Variants in SLC9A2 observed in about 807,000 individuals in gnomAD.
SLC9A2 encodes the protein solute carrier family 9 member A2, also known as sodium/hydrogen exchanger 2.
A neutral mutation model predicts 71.7 loss-of-function variants in SLC9A2; 42 were observed. The observed-to-expected ratio is 0.59, with a 90% confidence interval of 0.46 to 0.76. The LOEUF (loss-of-function observed/expected upper bound fraction) is 0.76, where lower values mean the gene tolerates loss of function less well. SLC9A2 is among the 30% of genes least tolerant of loss of function. SLC9A2 has a pLI of 0.00. For missense variants in SLC9A2, 829 were observed against 1,017.4 expected (o/e 0.81, Z 2.52); for synonymous variants, 396 against 392.5 (o/e 1.01, Z -0.10).
At chr2:102,669,293 T>C (rs1385648378) in intron 3 of SLC9A2, among the ~76,000 whole-genome samples, 1 of 152,254 alleles carries the variant, frequency 6.6e-6, no homozygotes, top group African/African-American at 2.4e-5. Flanking sequence ...AATTTAATGT[T>C]AAGGAATGAT....
Position 102,708,380 on chromosome 2 carries a change from G to A in SLC9A2, c.2330G>A (p.Arg777Lys). Residue 777 changes from arginine (R) to lysine (K), a missense_variant, in exon 12 of 12, where the codon AGG (arginine) becomes AAG (lysine). Arg to Lys is a conservative substitution (Grantham distance 26). This residue lies in a region of SLC9A2 where 223 missense variants were observed against 197.5 expected (regional missense o/e 1.13). Coordinates refer to ENST00000233969, the MANE Select transcript of SLC9A2 (RefSeq NM_003048.6). ...LLSKDQSGSEREDSLTEGIPP... is the reference protein window; with the variant it reads ...LLSKDQSGSEKEDSLTEGIPP... ...TCTAAAGACCAGTCTGGCTCAGAGA[G>A]GGAAGACAGTTTGACTGAAGGCATC... The A allele has an allele frequency of 1.2e-6, 2 of 1,614,230 alleles. No individual in the cohort carries two copies. Among genetic ancestry groups the A allele is most frequent in the South Asian group, 1.1e-5 (1 of 91,084 alleles).
chr2:102,641,637 G>A (rs111600083), intron 1 of SLC9A2, among the ~76,000 whole-genome samples: 7,703 of 151,836 alleles, frequency 0.051, 651 homozygotes, highest in African/African-American at 0.18. Flanking sequence ...TTCCTGCTCC[G>A]TAACAAGCAT....
chr2:102,677,107 T>C (rs546723752), intron 3 of SLC9A2, among the ~76,000 whole-genome samples: 62 of 152,310 alleles, frequency 4.1e-4, no homozygotes, highest in African/African-American at 1.4e-3. Flanking sequence ...ATGCTAAGCA[T>C]TAGTCCATAG....
chr2:102,695,711 G>C (rs1208456989), intron 7 of SLC9A2, among the ~76,000 whole-genome samples: 1 of 145,802 alleles, frequency 6.9e-6, no homozygotes, highest in African/African-American at 2.5e-5. Context: ...GTCAAATGCA[G>C]AGATTCAGAC....
intron 1 of SLC9A2, among the ~76,000 whole-genome samples, chr2:102,633,598 A>G (rs1676414624): frequency 6.6e-6 from 1 of 152,202 alleles, no homozygotes; most frequent in Non-Finnish European, 1.5e-5. Flanking sequence ...TAGGATTAGT[A>G]TGACCTCACA....
Position 102,620,055 on chromosome 2 carries a change from T to G in SLC9A2, c.207T>G (p.Pro69=). 6.2e-7 allele frequency: 1 copy of G among 1,614,016 alleles called. No homozygotes were observed. The highest frequency in any genetic ancestry group is 1.1e-5 in the South Asian group (1 of 91,044). The change falls in exon 1 of 12, where the codon CCT becomes CCG. Residue 69 remains proline (P), a synonymous_variant. Coordinates refer to ENST00000233969, the MANE Select transcript of SLC9A2 (RefSeq NM_003048.6). ...GTTLFEESRL[P]VFTLDYPHVQ... ...CGCTGTTCGAGGAGAGCCGGCTGCCTGTGTTTACGCTGGATTACCCCCACG... is the reference window on the plus strand; with the variant it reads ...CGCTGTTCGAGGAGAGCCGGCTGCCGGTGTTTACGCTGGATTACCCCCACG...
intron 1 of SLC9A2, among the ~76,000 whole-genome samples, chr2:102,645,527 C>G (rs1184037337): frequency 1.3e-5 from 2 of 151,942 alleles, no homozygotes; most frequent in African/African-American, 4.8e-5. Context: ...CATGTTCTAA[C>G]CCAATGCAAG....
At chr2:102,632,065 CACAT>C (rs1185944421) in intron 1 of SLC9A2, among the ~76,000 whole-genome samples, 2 of 112,464 alleles carry the variant, frequency 1.8e-5, no homozygotes, top group Admixed American at 9.6e-5. Flanking sequence ...TATATACACA[CACAT>C]ATATATACAC....
intron 5 of SLC9A2, among the ~76,000 whole-genome samples, chr2:102,688,321 T>A (rs1677590006): frequency 6.6e-6 from 1 of 152,198 alleles, no homozygotes; most frequent in Non-Finnish European, 1.5e-5. Flanking sequence ...TTTACTTAGC[T>A]GTAAAATCTA....
chr2:102,619,929 G>C lies in SLC9A2; in HGVS notation c.81G>C (p.Gly27=). 6.2e-7 allele frequency: 1 copy of C among 1,605,034 alleles called. No individual in the cohort carries two copies. Among genetic ancestry groups the C allele is most frequent in the Non-Finnish European group, 8.5e-7 (1 of 1,175,386 alleles). The part of the protein sequence containing the change: ...MLLLLLLQVA[G]PVGALAETLL... ...TGCTGCTGCTCCTGCAGGTGGCGGG[G>C]CCCGTGGGCGCCCTGGCGGAGACCT... The change falls in exon 1 of 12, where the codon GGG becomes GGC. Residue 27 remains glycine, a synonymous_variant. Coordinates refer to ENST00000233969, the MANE Select transcript of SLC9A2 (RefSeq NM_003048.6). The surrounding 1 kb of genome is among the most constrained non-coding windows in gnomAD (Gnocchi z 4.3).
chr2:102,709,674 T>C lies in SLC9A2; in HGVS notation c.*1185T>C, dbSNP rs1276192813. ...ATAATATAGTAACTCAGAATTTTCATATAAAATTGAATTCTACTCATTAGA... is the reference window on the plus strand; with the variant it reads ...ATAATATAGTAACTCAGAATTTTCACATAAAATTGAATTCTACTCATTAGA... On this transcript the variant is annotated 3_prime_UTR_variant, in exon 12 of 12. Coordinates refer to ENST00000233969, the MANE Select transcript of SLC9A2 (RefSeq NM_003048.6). 6.5e-6 allele frequency: 1 copy of C among 152,798 alleles called. No individual in the cohort carries two copies. The highest frequency in any genetic ancestry group is 1.5e-5 in the Non-Finnish European group (1 of 68,042). The allele number at this position is 152,798 out of a possible 1,614,324, so 9.5% of individuals were successfully genotyped here. A position where few individuals can be genotyped will look rare whatever the true frequency, so the allele number is the denominator to read the frequency against.
At chr2:102,629,099 G>A (rs1028289790) in intron 1 of SLC9A2, among the ~76,000 whole-genome samples, 18 of 152,020 alleles carry the variant, frequency 1.2e-4, no homozygotes, top group Non-Finnish European at 2.4e-4. Context: ...ATCTTCAATA[G>A]CATTACCAGT....
chr2:102,665,768 T>C (rs1357764310), intron 3 of SLC9A2, among the ~76,000 whole-genome samples: 4 of 67,650 alleles, frequency 5.9e-5, no homozygotes, highest in Non-Finnish European at 1.0e-4. Context: ...AGCAAGACTC[T>C]GTCTTAAAAA....
chr2:102,657,732 C>A lies in SLC9A2; in HGVS notation c.458C>A (p.Ala153Asp). Residue 153 changes from alanine to aspartate, a missense_variant, in exon 2 of 12, where the codon GCC (alanine) becomes GAC (aspartate). By Grantham distance (126) the Ala-to-Asp change is moderately radical. Coordinates refer to ENST00000233969, the MANE Select transcript of SLC9A2 (RefSeq NM_003048.6). ...LYLLPPIVLD[A>D]GYFMPTRPFF... ...CTCCTCCCACCCATCGTGCTGGATG[C>A]CGGCTATTTCATGCCCACTCGCCCA... is the stretch of plus-strand genomic sequence containing the variant. 1 of 1,614,206 alleles carries A rather than the reference C, an allele frequency of 6.2e-7. No individual in the cohort carries two copies. The highest frequency in any genetic ancestry group is 8.5e-7 in the Non-Finnish European group (1 of 1,180,018).
At chr2:102,632,071 T>TATATAC (rs1573397832) in intron 1 of SLC9A2, among the ~76,000 whole-genome samples, 1 of 118,528 alleles carries the variant, frequency 8.4e-6, no homozygotes, top group African/African-American at 3.1e-5. Flanking sequence ...CACACACATA[T>TATATAC]ATATACACAC....
intron 1 of SLC9A2, among the ~76,000 whole-genome samples, chr2:102,623,281 A>G (rs1222872238): frequency 1.3e-5 from 2 of 152,192 alleles, no homozygotes; most frequent in African/African-American, 4.8e-5. Context: ...CTGAACAGCC[A>G]AATGGAGACT....
At chr2:102,620,171 G>A (rs1408230768) in intron 1 of SLC9A2, 34 bp downstream of exon 1, 1 of 1,561,958 alleles carries the variant, frequency 6.4e-7, no homozygotes, top group Non-Finnish European at 8.7e-7. Flanking sequence ...AATGGGAGGG[G>A]GCGATCTCGG....
At chr2:102,632,239 C>A (rs867551790) in intron 1 of SLC9A2, among the ~76,000 whole-genome samples, 32 of 136,076 alleles carry the variant, frequency 2.4e-4, no homozygotes, top group South Asian at 9.0e-4. Flanking sequence ...ATATATAATA[C>A]ATATATATAT....
chr2:102,686,807 A>G (rs1354019143), intron 5 of SLC9A2: 1 of 152,708 alleles, frequency 6.5e-6, no homozygotes, highest in Non-Finnish European at 1.5e-5. Flanking sequence ...GAGGTGGATC[A>G]CCTGTTCTCA....
Sources: gnomAD v4.1 joint callset for allele counts (sites outside exome capture counted in the v4.1 genomes callset) on GRCh38, gnomAD v4.1.1 for gene constraint, gnomAD v4.1.1 regional missense constraint, Gnocchi (gnomAD v3.1) non-coding constraint, MANE v1.5 for transcripts, NCBI Gene and HGNC (gene_info 2026-07-23, HGNC 2026-07-21) for gene names.